BLTP3B: variants seen among roughly 807,000 people sequenced by gnomAD.
BLTP3B encodes UHRF1 (ICBP90) binding protein 1-like.
chr12:100,054,104 A>G, the BLTP3B span, among the ~76,000 whole-genome samples: 1 of 152,196 alleles, frequency 6.6e-6, no homozygotes, highest in African/African-American at 2.4e-5. Flanking sequence ...GTGAACAATA[A>G]TATAATTATA....
At chr12:100,039,806 C>A in the BLTP3B span, 3 of 1,596,218 alleles carry the variant, frequency 1.9e-6, no homozygotes, top group South Asian at 3.4e-5. Context: ...AAACAAATAA[C>A]ATGCTCAGAT....
At chr12:100,119,083 C>G in the BLTP3B span, among the ~76,000 whole-genome samples, 11 of 152,092 alleles carry the variant, frequency 7.2e-5, no homozygotes, top group Non-Finnish European at 1.2e-4. Flanking sequence ...GCCTGGGCGA[C>G]AGAGCCAGAC....
chr12:100,073,922 C>G, the BLTP3B span, among the ~76,000 whole-genome samples: 3 of 152,086 alleles, frequency 2.0e-5, no homozygotes, highest in Non-Finnish European at 4.4e-5. Context: ...CGTTCTGAAG[C>G]GGCAAAAGCT....
chr12:100,102,885 T>TC, the BLTP3B span: 2 of 1,300,302 alleles, frequency 1.5e-6, no homozygotes, highest in Non-Finnish European at 2.2e-6. Context: ...ATATAAACAA[T>TC]TAGATTATTT....
At chr12:100,084,743 T>C in the BLTP3B span, 4 of 1,378,230 alleles carry the variant, frequency 2.9e-6, no homozygotes, top group East Asian at 5.0e-5. Context: ...TGAGATTTAG[T>C]CGTTTATTCA....
the BLTP3B span, among the ~76,000 whole-genome samples, chr12:100,122,167 A>G: frequency 6.6e-6 from 1 of 152,188 alleles, no homozygotes; most frequent in Non-Finnish European, 1.5e-5. Context: ...ATAAAAATAT[A>G]TAAGGTATTA....
chr12:100,119,651 C>A, the BLTP3B span, among the ~76,000 whole-genome samples: 3 of 151,996 alleles, frequency 2.0e-5, no homozygotes, highest in East Asian at 3.9e-4. Flanking sequence ...TCATGGTTAG[C>A]TAATTTCCAA....
the BLTP3B span, among the ~76,000 whole-genome samples, chr12:100,066,629 TAAA>T: frequency 7.3e-6 from 1 of 136,130 alleles, no homozygotes. Context: ...CTGTCTCTAC[TAAA>T]AAAAAAAAAA....
the BLTP3B span, among the ~76,000 whole-genome samples, chr12:100,075,245 C>T: frequency 6.6e-6 from 1 of 151,960 alleles, no homozygotes; most frequent in Non-Finnish European, 1.5e-5. Flanking sequence ...CTCCTGACCT[C>T]GTGATCCGCC....
chr12:100,051,115 T>A, the BLTP3B span: 1 of 1,614,080 alleles, frequency 6.2e-7, no homozygotes, highest in South Asian at 1.1e-5. Flanking sequence ...CCTCTGAATT[T>A]GTACTGATGG....
At chr12:100,096,232 T>G in the BLTP3B span, among the ~76,000 whole-genome samples, 11 of 151,178 alleles carry the variant, frequency 7.3e-5, no homozygotes. Context: ...CCAGCCTGGG[T>G]GACAGAGAGA....
the BLTP3B span, chr12:100,142,854 G>A: frequency 3.4e-6 from 2 of 590,900 alleles, no homozygotes; most frequent in South Asian, 2.1e-5. Context: ...CATCTTGGCT[G>A]CAGCATCACC....
chr12:100,120,613 A>T, the BLTP3B span, among the ~76,000 whole-genome samples: 1 of 152,222 alleles, frequency 6.6e-6, no homozygotes, highest in Non-Finnish European at 1.5e-5. Context: ...ACTCTCATAT[A>T]CGTATTTGTG....
the BLTP3B span, among the ~76,000 whole-genome samples, chr12:100,107,360 C>A: frequency 7.2e-6 from 1 of 139,388 alleles, no homozygotes; most frequent in African/African-American, 2.7e-5. Context: ...AGGAATGATA[C>A]TAACAGTAAA....
At chr12:100,114,602 G>A in the BLTP3B span, among the ~76,000 whole-genome samples, 1 of 152,138 alleles carries the variant, frequency 6.6e-6, no homozygotes, top group South Asian at 2.1e-4. Flanking sequence ...GCTTCTGTTT[G>A]ATTTTATTCA....
the BLTP3B span, chr12:100,037,824 T>A: frequency 7.4e-7 from 1 of 1,349,478 alleles, no homozygotes; most frequent in Non-Finnish European, 1.0e-6. Context: ...ATTTATATAG[T>A]ATCCAAAGGT....
At chr12:100,130,561 T>C in the BLTP3B span, among the ~76,000 whole-genome samples, 1 of 151,594 alleles carries the variant, frequency 6.6e-6, no homozygotes, top group East Asian at 1.9e-4. Context: ...AATCTTACAT[T>C]TTATGGATGC....
chr12:100,104,877 G>A, the BLTP3B span, among the ~76,000 whole-genome samples: 3 of 86,588 alleles, frequency 3.5e-5, no homozygotes, highest in African/African-American at 1.0e-4. Flanking sequence ...AATAACTACT[G>A]CTACTACAAA....
chr12:100,037,468 C>T, the BLTP3B span: 2 of 1,426,866 alleles, frequency 1.4e-6, no homozygotes, highest in Non-Finnish European at 1.8e-6. Context: ...AATGCCCGTA[C>T]TAATACTTTC....
Sources: allele counts gnomAD v4.1 joint callset (sites outside exome capture counted in the v4.1 genomes callset), GRCh38; gene constraint gnomAD v4.1.1; transcripts MANE v1.5; gene names NCBI Gene and HGNC (gene_info 2026-07-23, HGNC 2026-07-21).